Variants in PRIMPOL observed in about 807,000 individuals in gnomAD.
PRIMPOL encodes DNA-directed primase/polymerase protein.
A neutral mutation model predicts 63.6 loss-of-function variants in PRIMPOL; 54 were observed. That is an observed-to-expected ratio of 0.85 (90% confidence interval 0.68 to 1.07). The LOEUF (loss-of-function observed/expected upper bound fraction) is 1.07, where lower values mean the gene tolerates loss of function less well. Among genes scored for constraint, PRIMPOL ranks in the 50% least tolerant of loss-of-function variants. PRIMPOL has a pLI of 0.00. For missense variants in PRIMPOL, 610 were observed against 648.3 expected (o/e 0.94, Z 0.64); for synonymous variants, 197 against 220.2 (o/e 0.89, Z 0.93).
chr4:184,667,046 C>T (rs870822), intron 6 of PRIMPOL, among the ~76,000 whole-genome samples: 23,524 of 152,136 alleles, frequency 0.15, 2,144 homozygotes, highest in African/African-American at 0.25. Flanking sequence ...GAGCTGCTAG[C>T]GTCTTAGAGT....
rs994531984 is a variant in PRIMPOL, at chr4:184,694,932, A to T, written c.*153A>T. 1 of 625,526 alleles carries T rather than the reference A, an allele frequency of 1.6e-6. No homozygotes were observed. The highest frequency in any genetic ancestry group is 1.8e-5 in the African/African-American group (1 of 54,454). The allele number at this position is 625,526 out of a possible 1,614,324, so 38.7% of individuals were successfully genotyped here. On this transcript the variant is annotated 3_prime_UTR_variant, in exon 14 of 14. Transcript: ENST00000314970. Reference sequence around the variant, plus strand: ...TTTACTTCTGTAAACCAATTTCATTAAAAATTAGCTTTGGTGTAAATTCAG... The same window carrying T: ...TTTACTTCTGTAAACCAATTTCATTTAAAATTAGCTTTGGTGTAAATTCAG...
intron 9 of PRIMPOL, among the ~76,000 whole-genome samples, 161 bp downstream of exon 9, chr4:184,682,497 A>G (rs1429287354): frequency 1.3e-5 from 2 of 151,882 alleles, no homozygotes; most frequent in African/African-American, 4.8e-5. Flanking sequence ...ACAGGTGTGC[A>G]CCATCACGCC....
chr4:184,656,487 G>T (rs1271256209), intron 2 of PRIMPOL, among the ~76,000 whole-genome samples: 1 of 152,132 alleles, frequency 6.6e-6, no homozygotes. Flanking sequence ...TGGTTGACAT[G>T]GAAGTATTAT....
intron 11 of PRIMPOL, among the ~76,000 whole-genome samples, chr4:184,689,605 G>A (rs1030065269): frequency 5.3e-5 from 8 of 151,334 alleles, no homozygotes; most frequent in Non-Finnish European, 8.8e-5. Flanking sequence ...GGTGCCCACC[G>A]CCACGCCTGG....
intron 5 of PRIMPOL, among the ~76,000 whole-genome samples, chr4:184,662,185 T>G (rs1220104728): frequency 1.3e-5 from 2 of 152,152 alleles, no homozygotes; most frequent in Non-Finnish European, 2.9e-5. Flanking sequence ...AAATTATATA[T>G]TAATTCTCTG....
intron 11 of PRIMPOL, among the ~76,000 whole-genome samples, chr4:184,688,184 A>C (rs1261866427): frequency 6.6e-6 from 1 of 152,186 alleles, no homozygotes; most frequent in African/African-American, 2.4e-5. Context: ...GAGTTTCTCA[A>C]AGTGGACTTG....
intron 5 of PRIMPOL, 145 bp downstream of exon 5, chr4:184,662,048 T>A: frequency 1.5e-6 from 1 of 649,718 alleles, no homozygotes; most frequent in Non-Finnish European, 2.3e-6. Context: ...TTTTTTAATA[T>A]TACTTGTATG....
intron 3 of PRIMPOL, 131 bp downstream of exon 3, chr4:184,657,451 T>C: frequency 1.4e-6 from 1 of 702,672 alleles, no homozygotes; most frequent in Non-Finnish European, 2.2e-6. Flanking sequence ...CCATGTATTC[T>C]ACCAAGAAAA....
intron 2 of PRIMPOL, among the ~76,000 whole-genome samples, chr4:184,654,907 G>C (rs1321639148): frequency 1.3e-5 from 2 of 151,996 alleles, no homozygotes; most frequent in African/African-American, 4.8e-5. Context: ...AACTCTGAGA[G>C]AATATCTTTC....
chr4:184,670,279 G>A (rs1751216766), intron 6 of PRIMPOL, among the ~76,000 whole-genome samples: 1 of 152,138 alleles, frequency 6.6e-6, no homozygotes. Flanking sequence ...CTGCAACCAT[G>A]CATTCTCTTC....
intron 11 of PRIMPOL, among the ~76,000 whole-genome samples, chr4:184,686,868 G>T (rs578035625): frequency 6.6e-6 from 1 of 152,200 alleles, no homozygotes; most frequent in East Asian, 1.9e-4. Context: ...CTATAACGTA[G>T]AAAACACGAA....
chr4:184,666,074 C>T lies in PRIMPOL; in HGVS notation c.556+10C>T, dbSNP rs369367265. ...GATAATATTCATGTTGGTAAGTACA[C>T]GGCTTTTTAAAAATCATGGAGTTGT... On this transcript the variant is annotated intron_variant, in intron 6 of 13. Coordinates refer to ENST00000314970, the MANE Select transcript of PRIMPOL (RefSeq NM_152683.4). The T allele has an allele frequency of 2.1e-5, 33 of 1,576,616 alleles. No homozygotes were observed. The Middle Eastern group carries it at 6.8e-4, about 33-fold the overall frequency.
chr4:184,655,310 T>C (rs1746048474), intron 2 of PRIMPOL, among the ~76,000 whole-genome samples: 1 of 146,522 alleles, frequency 6.8e-6, no homozygotes, highest in Non-Finnish European at 1.5e-5. Context: ...GCGCCTGGTC[T>C]ACCCTCTCGT....
At position 184,657,205 on chromosome 4, in the gene PRIMPOL, A is replaced by G. The variant is rs1350982719; in HGVS notation, c.65A>G (p.Lys22Arg). 3.1e-6 allele frequency: 5 copies of G among 1,613,382 alleles called. No homozygotes were observed. Among genetic ancestry groups the G allele is most frequent in the Non-Finnish European group, 4.2e-6 (5 of 1,179,748 alleles). ...IEERASHYER[K>R]PLSSVYRPRL... is the part of the protein sequence containing the mutation. ...GAACGAGCATCTCATTATGAGAGGA[A>G]ACCGTTGTCCTCAGTGTATAGACCA... is the stretch of plus-strand genomic sequence containing the variant. Residue 22 changes from lysine to arginine, a missense_variant, in exon 3 of 14, where the codon AAA (lysine) becomes AGA (arginine). Physicochemically the swap from Lys to Arg is conservative, Grantham distance 26. Coordinates refer to ENST00000314970, the MANE Select transcript of PRIMPOL (RefSeq NM_152683.4).
At chr4:184,683,194 G>T (rs1302008335) in intron 9 of PRIMPOL, among the ~76,000 whole-genome samples, 1 of 152,228 alleles carries the variant, frequency 6.6e-6, no homozygotes, top group Non-Finnish European at 1.5e-5. Flanking sequence ...ACTTTGGGAG[G>T]CTGAGTCGGG....
intron 13 of PRIMPOL, among the ~76,000 whole-genome samples, chr4:184,693,846 T>G (rs935758360): frequency 2.0e-5 from 3 of 151,484 alleles, no homozygotes; most frequent in Non-Finnish European, 4.4e-5. Flanking sequence ...ATTCTGTAGC[T>G]TTTTTAATGA....
intron 8 of PRIMPOL, among the ~76,000 whole-genome samples, chr4:184,679,287 AT>A (rs1754966353): frequency 6.6e-6 from 1 of 152,008 alleles, no homozygotes; most frequent in Non-Finnish European, 1.5e-5. Flanking sequence ...TGTTTTGATC[AT>A]TTTTTAAAAG....
chr4:184,654,421 G>A (rs1055667507), intron 2 of PRIMPOL, among the ~76,000 whole-genome samples: 4 of 150,554 alleles, frequency 2.7e-5, no homozygotes, highest in African/African-American at 9.8e-5. Flanking sequence ...GCAATAAGGA[G>A]CCATATCACT....
At chr4:184,684,754 T>TG (rs1312108700) in intron 9 of PRIMPOL, among the ~76,000 whole-genome samples, 3 of 152,108 alleles carry the variant, frequency 2.0e-5, no homozygotes, top group Admixed American at 2.0e-4. Context: ...GGGTTTGTTC[T>TG]GAGTTGGGTG....
Sources: allele counts gnomAD v4.1 joint callset (sites outside exome capture counted in the v4.1 genomes callset), GRCh38; gene constraint gnomAD v4.1.1; transcripts MANE v1.5; gene names NCBI Gene and HGNC (gene_info 2026-07-23, HGNC 2026-07-21).